The following TTLL5 variants were observed in gnomAD, a reference collection of about 807,000 sequenced individuals.
TTLL5 encodes tubulin polyglutamylase TTLL5.
A neutral mutation model predicts 168.4 loss-of-function variants in TTLL5; 132 were observed. That is an observed-to-expected ratio of 0.78 (90% CI 0.68 to 0.91). TTLL5 has a LOEUF of 0.91. Among genes scored for constraint, TTLL5 ranks in the 40% least tolerant of loss-of-function variants. TTLL5 has a pLI of 0.00. For missense variants in TTLL5, 1,545 were observed against 1,581.5 expected (o/e 0.98, Z 0.39); for synonymous variants, 546 against 558.6 (o/e 0.98, Z 0.32).
At chr14:75,671,160 T>G (rs1883709262) in intron 3 of TTLL5, among the ~76,000 whole-genome samples, 1 of 152,252 alleles carries the variant, frequency 6.6e-6, no homozygotes, top group Non-Finnish European at 1.5e-5. Flanking sequence ...TTGAAGAGAC[T>G]ATTCTTTTCC....
intron 31 of TTLL5, among the ~76,000 whole-genome samples, chr14:75,952,956 CTG>C (rs1290664928): frequency 1.3e-5 from 2 of 152,068 alleles, no homozygotes; most frequent in African/African-American, 4.8e-5. Context: ...ATGCACAACT[CTG>C]AATATAATAT....
intron 28 of TTLL5, among the ~76,000 whole-genome samples, chr14:75,832,900 T>C (rs1402041283): frequency 6.6e-6 from 1 of 152,172 alleles, no homozygotes; most frequent in Non-Finnish European, 1.5e-5. Context: ...TAAGTCTCCC[T>C]TCTTCTCCTA....
intron 5 of TTLL5, among the ~76,000 whole-genome samples, chr14:75,687,595 T>G (rs1410697486): frequency 6.6e-6 from 1 of 152,098 alleles, no homozygotes; most frequent in Non-Finnish European, 1.5e-5. Flanking sequence ...TTTTAAAAAT[T>G]AAAAATATCT....
chr14:75,930,043 A>G (rs568709982), intron 31 of TTLL5, among the ~76,000 whole-genome samples: 3 of 152,346 alleles, frequency 2.0e-5, no homozygotes, highest in Admixed American at 1.3e-4. Context: ...ACCAGTACAG[A>G]CTTGTAACTA....
At chr14:75,764,550 C>G in intron 18 of TTLL5, 65 bp from the exon 19 acceptor site, 1 of 1,583,972 alleles carries the variant, frequency 6.3e-7, no homozygotes, top group East Asian at 2.2e-5. Context: ...TTCTGGGAAG[C>G]TTAGCCTTGG....
At chr14:75,904,377 C>T in intron 31 of TTLL5, 1 of 508,182 alleles carries the variant, frequency 2.0e-6, no homozygotes, top group Non-Finnish European at 2.5e-6. Context: ...CCCTTTGGCT[C>T]TTCAAGTTTG....
chr14:75,863,608 T>C, intron 28 of TTLL5, 59 bp from the exon 29 acceptor site: 7 of 1,446,190 alleles, frequency 4.8e-6, no homozygotes, highest in Non-Finnish European at 6.5e-6. Flanking sequence ...TTCTCTCCTT[T>C]CCTCTAGATT....
intron 2 of TTLL5, 45 bp from the exon 3 acceptor site, chr14:75,669,371 C>T: frequency 1.3e-6 from 2 of 1,548,424 alleles, no homozygotes; most frequent in Non-Finnish European, 1.8e-6. Flanking sequence ...GCAGTTAGTT[C>T]AGGTTTTGAG....
intron 19 of TTLL5, among the ~76,000 whole-genome samples, chr14:75,765,218 T>C (rs949341178): frequency 2.0e-5 from 3 of 152,244 alleles, no homozygotes; most frequent in South Asian, 2.1e-4. Context: ...TTGACTGATA[T>C]ACTGATTTCC....
chr14:75,779,745 G>A, intron 24 of TTLL5, 43 bp downstream of exon 24: 5 of 1,562,958 alleles, frequency 3.2e-6, no homozygotes, highest in Admixed American at 1.9e-5. Flanking sequence ...AAGAACAAGT[G>A]AAGAAATGAG....
intron 31 of TTLL5, among the ~76,000 whole-genome samples, chr14:75,914,829 T>C (rs557336794): frequency 3.9e-4 from 59 of 152,216 alleles, no homozygotes; most frequent in African/African-American, 1.3e-3. Context: ...TTCACTGTGT[T>C]AGCCAGGATG....
chr14:75,726,801 A>G (rs1246307742), intron 12 of TTLL5, among the ~76,000 whole-genome samples: 1 of 152,236 alleles, frequency 6.6e-6, no homozygotes, highest in Non-Finnish European at 1.5e-5. Context: ...GTTTAAATTC[A>G]TCTTGTAGCT....
chr14:75,716,630 C>T (rs1887480246), intron 9 of TTLL5, among the ~76,000 whole-genome samples: 1 of 151,600 alleles, frequency 6.6e-6, no homozygotes, highest in South Asian at 2.1e-4. Context: ...TTGGATATGC[C>T]TCTTGGGAAA....
rs182737840 is a variant in TTLL5 at position 75,683,528 on chromosome 14, T to C, written c.265-22T>C. The C allele has an allele frequency of 1.1e-5, 18 of 1,590,278 alleles. No individual in the cohort carries two copies. The East Asian group carries it at 3.4e-4, about 30-fold the overall frequency. ...GTATCTCTGATGTTTTTTTGCCTTC[T>C]TGTCTTTCTGTCTGCCCTCAGGTTC... On this transcript the variant is annotated intron_variant, in intron 4 of 31. Transcript: ENST00000298832.
At chr14:75,775,051 TTCA>T (rs1479296526) in intron 21 of TTLL5, among the ~76,000 whole-genome samples, 10 of 151,576 alleles carry the variant, frequency 6.6e-5, no homozygotes, top group Admixed American at 2.0e-4. Flanking sequence ...TTCCTGATAC[TTCA>T]TCATCTTTTC....
chr14:75,859,050 G>A (rs1897282097), intron 28 of TTLL5, among the ~76,000 whole-genome samples: 1 of 152,242 alleles, frequency 6.6e-6, no homozygotes, highest in Non-Finnish European at 1.5e-5. Flanking sequence ...GTACATGGTA[G>A]CTTGTGTTTG....
chr14:75,722,979 C>T (rs1887938241), intron 12 of TTLL5, among the ~76,000 whole-genome samples: 2 of 152,062 alleles, frequency 1.3e-5, no homozygotes. Context: ...GCCCTTATAC[C>T]CCCAGCACTC....
chr14:75,950,465 A>T (rs750530757), intron 31 of TTLL5, among the ~76,000 whole-genome samples: 12 of 152,164 alleles, frequency 7.9e-5, no homozygotes, highest in Non-Finnish European at 1.6e-4. Context: ...ATATTGTGGG[A>T]GTTTTTTTCC....
chr14:75,779,724 C>A, intron 24 of TTLL5, 22 bp downstream of exon 24: 2 of 1,573,688 alleles, frequency 1.3e-6, no homozygotes, highest in Non-Finnish European at 1.7e-6. Context: ...GGTTAATGAA[C>A]GAAAAATAAG....
Sources: gnomAD v4.1 joint callset for allele counts (sites outside exome capture counted in the v4.1 genomes callset) on GRCh38, gnomAD v4.1.1 for gene constraint, MANE v1.5 for transcripts, NCBI Gene and HGNC (gene_info 2026-07-23, HGNC 2026-07-21) for gene names.